The following SV2C variants were observed in gnomAD, a reference collection of about 807,000 sequenced individuals.
SV2C encodes the protein synaptic vesicle glycoprotein 2C, also known as solute carrier family 22 member B3.
Under a neutral mutation model 79.7 loss-of-function variants are expected in SV2C, and 49 were observed. The observed-to-expected ratio is 0.61, with a 90% CI of 0.49 to 0.78. The LOEUF (loss-of-function observed/expected upper bound fraction) is 0.78. Among genes scored for constraint, SV2C ranks in the 30% least tolerant of loss-of-function variants. The pLI, the probability that SV2C is intolerant of heterozygous loss-of-function variation, is 0.00. For synonymous variants in SV2C, 334 were observed against 333.2 expected (o/e 1.00, Z -0.03); for missense variants, 833 against 912.9 (o/e 0.91, Z 1.13).
chr5:76,267,819 G>A (rs1334601713), intron 4 of SV2C, among the ~76,000 whole-genome samples: 2 of 152,228 alleles, frequency 1.3e-5, no homozygotes, highest in Admixed American at 6.5e-5. Context: ...AAGAGCCTGG[G>A]CTGAGACACA....
intron 2 of SV2C, chr5:76,173,919 T>G (rs756495540): frequency 1.9e-6 from 3 of 1,587,408 alleles, no homozygotes; most frequent in Non-Finnish European, 2.6e-6. Context: ...TCGTTAAATG[T>G]GGACTGTGCT....
the SV2C span, among the ~76,000 whole-genome samples, chr5:75,875,825 A>AT: frequency 6.6e-6 from 1 of 152,108 alleles, no homozygotes; most frequent in African/African-American, 2.4e-5. Context: ...TATAAAAAAA[A>AT]GCTCAATATC....
At chr5:76,015,239 TA>T in the SV2C span, among the ~76,000 whole-genome samples, 1 of 152,196 alleles carries the variant, frequency 6.6e-6, no homozygotes, top group Non-Finnish European at 1.5e-5. Context: ...TAACCTTCAC[TA>T]AATTGCATCA....
chr5:75,867,943 A>G, the SV2C span, among the ~76,000 whole-genome samples: 5 of 152,196 alleles, frequency 3.3e-5, no homozygotes, highest in African/African-American at 1.2e-4. Flanking sequence ...CACAGTCCCT[A>G]CTCTCAAGGG....
intron 2 of SV2C, chr5:76,173,969 A>T (rs762793305): frequency 1.3e-6 from 2 of 1,560,862 alleles, no homozygotes; most frequent in South Asian, 1.1e-5. Context: ...TCCATTTTTC[A>T]TGTATAAATC....
chr5:75,994,963 G>C, the SV2C span, among the ~76,000 whole-genome samples: 1 of 152,170 alleles, frequency 6.6e-6, no homozygotes, highest in Non-Finnish European at 1.5e-5. Context: ...ATAACTAGGA[G>C]ACTAGTGGAG....
At chr5:75,906,776 A>T in the SV2C span, among the ~76,000 whole-genome samples, 2,511 of 152,148 alleles carry the variant, frequency 0.017, 36 homozygotes, top group African/African-American at 0.043. Flanking sequence ...TTTTGTCCTC[A>T]CTGGCACATC....
chr5:76,139,511 T>C (rs981942965), intron 2 of SV2C, among the ~76,000 whole-genome samples: 1 of 152,226 alleles, frequency 6.6e-6, no homozygotes, highest in Non-Finnish European at 1.5e-5. Flanking sequence ...TCTGTTTTTT[T>C]CTATCAGTCG....
the SV2C span, among the ~76,000 whole-genome samples, chr5:75,894,384 G>A: frequency 6.6e-6 from 1 of 152,018 alleles, no homozygotes; most frequent in East Asian, 1.9e-4. Flanking sequence ...GGACTTTGTG[G>A]CATTTTAATT....
chr5:76,039,770 A>AAG, the SV2C span, among the ~76,000 whole-genome samples: 1 of 151,682 alleles, frequency 6.6e-6, no homozygotes, highest in African/African-American at 2.4e-5. Flanking sequence ...AAAAAAAAAA[A>AAG]AAAGAAAGAA....
chr5:75,901,829 G>A, the SV2C span, among the ~76,000 whole-genome samples: 1 of 152,230 alleles, frequency 6.6e-6, no homozygotes, highest in Non-Finnish European at 1.5e-5. Context: ...CCACCTTGCA[G>A]TTTGATCTCA....
chr5:76,229,777 A>C (rs75258757), intron 4 of SV2C, among the ~76,000 whole-genome samples: 1 of 152,336 alleles, frequency 6.6e-6, no homozygotes, highest in East Asian at 1.9e-4. Context: ...GACCTCAATA[A>C]CTGAGAAAGA....
At chr5:76,027,154 C>G in the SV2C span, among the ~76,000 whole-genome samples, 1 of 150,840 alleles carries the variant, frequency 6.6e-6, no homozygotes, top group Non-Finnish European at 1.5e-5. Context: ...CTCCACCTCC[C>G]AGGTTCGAGT....
chr5:76,062,784 A>C, the SV2C span, among the ~76,000 whole-genome samples: 1 of 152,206 alleles, frequency 6.6e-6, no homozygotes, highest in Non-Finnish European at 1.5e-5. Flanking sequence ...AAGTATCAAA[A>C]GTAATATTAC....
At chr5:76,030,289 T>TTTTTTTTTTA in the SV2C span, among the ~76,000 whole-genome samples, 3 of 117,874 alleles carry the variant, frequency 2.5e-5, no homozygotes, top group Non-Finnish European at 5.1e-5. Context: ...TTTTTTTTTT[T>TTTTTTTTTTA]TTTATTTATT....
chr5:76,132,425 A>G (rs1181855446), intron 2 of SV2C, 95 bp downstream of exon 2: 1 of 1,263,804 alleles, frequency 7.9e-7, no homozygotes, highest in Non-Finnish European at 1.1e-6. Context: ...CATCTAGAGT[A>G]CTGCATTTTT....
At chr5:76,130,287 C>G (rs1051108194) in intron 1 of SV2C, among the ~76,000 whole-genome samples, 3 of 151,858 alleles carry the variant, frequency 2.0e-5, no homozygotes, top group African/African-American at 7.3e-5. Flanking sequence ...CAAAACGCAG[C>G]CTGTGAGAAC....
rs937908182 is a variant in SV2C at position 76,241,960 on chromosome 5, T to C, written c.913+32073T>C. The C allele has an allele frequency of 1.3e-5, 11 of 824,666 alleles. No individual in the cohort carries two copies. The East Asian group carries it at 1.7e-4, about 13-fold the overall frequency. The allele number at this position is 824,666 out of a possible 1,614,324, so 51.1% of individuals were successfully genotyped here. ...AATTCTGCATTTTTATAAAACTTGA[T>C]AAAAAATAGTATTTCAAACTGTACA... On this transcript the variant is annotated intron_variant, in intron 4 of 12. Coordinates refer to ENST00000502798, the MANE Select transcript of SV2C (RefSeq NM_014979.4).
Position 76,330,558 on chromosome 5 carries a change from G to GCCCC in SV2C, c.*5017_*5020dup, listed in dbSNP as rs35395002. Reference sequence around the variant, plus strand: ...CCCCCATTACATGTGAACCCTCCGCGCCCCCCCCCATAAATACAAAGTGTT... The same window carrying GCCCC: ...CCCCCATTACATGTGAACCCTCCGCGCCCCCCCCCCCCCATAAATACAAAGTGTT... On this transcript the variant is annotated 3_prime_UTR_variant, in exon 13 of 13. Coordinates refer to ENST00000502798, the MANE Select transcript of SV2C (RefSeq NM_014979.4). 1 of 142,480 alleles carries GCCCC rather than the reference G, an allele frequency of 7.0e-6. No homozygotes were observed. Among genetic ancestry groups the GCCCC allele is most frequent in the African/African-American group, 2.6e-5 (1 of 38,140 alleles). 8.8% of individuals were successfully genotyped at this position (142,480 alleles called of 1,614,324 possible).
Sources: gnomAD v4.1 joint callset for allele counts (sites outside exome capture counted in the v4.1 genomes callset) on GRCh38, gnomAD v4.1.1 for gene constraint, MANE v1.5 for transcripts, NCBI Gene and HGNC (gene_info 2026-07-23, HGNC 2026-07-21) for gene names.